The following RBFOX3 variants were observed in gnomAD, a reference collection of about 807,000 sequenced individuals.
RBFOX3 encodes RNA binding fox-1 homolog 3, also known as RNA binding protein fox-1 homolog 3.
Under a neutral mutation model 48.7 loss-of-function variants are expected in RBFOX3, and 17 were observed. That is an observed-to-expected ratio of 0.35 (90% CI 0.24 to 0.52). The LOEUF is 0.52. RBFOX3 is among the 20% of genes least tolerant of loss of function. The pLI is 0.94. For missense variants in RBFOX3, 382 were observed against 497.5 expected, an observed-to-expected ratio of 0.77 and a Z score of 2.21; for synonymous variants, 212 against 209.5, an observed-to-expected ratio of 1.01 and a Z score of -0.10.
intron 2 of RBFOX3, among the ~76,000 whole-genome samples, chr17:79,462,939 G>T (rs12944002): frequency 0.55 from 83,973 of 151,820 alleles, 23,495 homozygotes; most frequent in Admixed American, 0.6. Context: ...AAGCCTCTTT[G>T]AGCATCGTTC....
rs1234632197 is a variant in RBFOX3 at position 79,480,751 on chromosome 17, A to G, written c.-175+1703T>C. On this transcript the variant is annotated intron_variant, in intron 2 of 14. Transcript: ENST00000693108. The surrounding 1 kb of genome is among the most constrained non-coding windows in gnomAD (Gnocchi z 4.8). ...TCCTTCTGTCTTGGCTCACAACATC[A>G]GCACCGGGGCCTGCCCTTCTGTCCT... Among the ~76,000 whole-genome samples, 1 of 152,214 alleles carries G rather than the reference A, an allele frequency of 6.6e-6. No individual in the cohort carries two copies. Among genetic ancestry groups the G allele is most frequent in the East Asian group, 1.9e-4 (1 of 5,164 alleles).
chr17:79,097,460 C>T, intron 10 of RBFOX3, 36 bp from the exon 11 acceptor site: 1 of 1,508,394 alleles, frequency 6.6e-7, no homozygotes, highest in South Asian at 1.3e-5. Context: ...GTGTGAGAGG[C>T]ACAAGGGGAC....
the RBFOX3 span, among the ~76,000 whole-genome samples, chr17:79,626,714 T>A: frequency 1.3e-5 from 2 of 152,204 alleles, no homozygotes; most frequent in African/African-American, 4.8e-5. Context: ...CATCCCCCCA[T>A]CTCTACCGCA....
At chr17:79,652,558 G>A in the RBFOX3 span, among the ~76,000 whole-genome samples, 1 of 570 alleles carries the variant, frequency 1.8e-3, no homozygotes. Flanking sequence ...AGAAAGAGAG[G>A]AAGGAAAGGA....
chr17:79,647,466 G>A, the RBFOX3 span, among the ~76,000 whole-genome samples: 8 of 152,246 alleles, frequency 5.3e-5, no homozygotes, highest in East Asian at 1.9e-4. Flanking sequence ...TGCAACTGCC[G>A]GGGAGGATGC....
At chr17:79,633,485 G>A in the RBFOX3 span, among the ~76,000 whole-genome samples, 1 of 152,242 alleles carries the variant, frequency 6.6e-6, no homozygotes, top group Non-Finnish European at 1.5e-5. Context: ...GCAGGGCCCT[G>A]GTCTCATGGA....
In RBFOX3 at chr17:79,096,727, C is replaced by G. The variant is rs2075341008; in HGVS notation, c.862G>C (p.Ala288Pro). Residue 288 changes from alanine to proline, a missense_variant, in exon 12 of 15, where the codon GCG (alanine) becomes CCG (proline). Coordinates refer to ENST00000693108, the MANE Select transcript of RBFOX3 (RefSeq NM_001350451.2). ...AACGGACAAGAAAGTGGTGGGAACGCTGGAGAGGTGGGGTAGGCCGGCTCC... is the reference window on the plus strand; with the variant it reads ...AACGGACAAGAAAGTGGTGGGAACGGTGGAGAGGTGGGGTAGGCCGGCTCC... ...TPEPAYPTSP[A>P]FPPLSCPFAS... is the part of the protein sequence containing the mutation. The G allele has an allele frequency of 6.5e-7, 1 of 1,549,904 alleles. No individual in the cohort carries two copies. The highest frequency in any genetic ancestry group is 8.7e-7 in the Non-Finnish European group (1 of 1,145,556).
intron 2 of RBFOX3, among the ~76,000 whole-genome samples, chr17:79,416,245 G>A (rs1483657894): frequency 1.3e-5 from 2 of 152,190 alleles, no homozygotes; most frequent in Admixed American, 6.5e-5. Flanking sequence ...TGCAACCCTC[G>A]GTCAAGGAGT....
intron 4 of RBFOX3, among the ~76,000 whole-genome samples, chr17:79,168,844 C>T (rs1000991321): frequency 3.4e-5 from 5 of 145,226 alleles, no homozygotes; most frequent in Non-Finnish European, 5.9e-5. Flanking sequence ...GCCGGGTGCG[C>T]CCTCGCCTGG....
intron 2 of RBFOX3, among the ~76,000 whole-genome samples, chr17:79,320,540 C>T (rs1272887966): frequency 1.3e-5 from 2 of 152,252 alleles, no homozygotes; most frequent in Non-Finnish European, 2.9e-5. Context: ...CGTATACCTG[C>T]CCTCCCTTGG....
intron 2 of RBFOX3, among the ~76,000 whole-genome samples, chr17:79,478,098 C>T (rs1196325858): frequency 3.3e-5 from 5 of 152,236 alleles, no homozygotes; most frequent in African/African-American, 4.8e-5. Context: ...GGAAGCCCCA[C>T]GCACGTTCCC....
At chr17:79,664,688 C>T in the RBFOX3 span, among the ~76,000 whole-genome samples, 2 of 152,126 alleles carry the variant, frequency 1.3e-5, no homozygotes, top group Non-Finnish European at 2.9e-5. Flanking sequence ...GTGGCATTAC[C>T]TGGCCATTGT....
rs1302350996 is a variant in RBFOX3 at position 79,270,038 on chromosome 17, C to G, written c.-73-34233G>C. 3.3e-5 allele frequency among the ~76,000 whole-genome samples: 5 copies of G among 152,106 alleles called. No homozygotes were observed. In the East Asian group the frequency reaches 7.7e-4, roughly 24 times the overall value. On this transcript the variant is annotated intron_variant, in intron 3 of 14. Coordinates refer to ENST00000693108, the MANE Select transcript of RBFOX3 (RefSeq NM_001350451.2). ...CTGCCTTCTTGGCTTGACCTCTCCCCCTCTGCGAATCACTCCCTTCCTCCT... is the reference window on the plus strand; with the variant it reads ...CTGCCTTCTTGGCTTGACCTCTCCCGCTCTGCGAATCACTCCCTTCCTCCT...
chr17:79,156,284 G>A (rs1202044144), intron 4 of RBFOX3, among the ~76,000 whole-genome samples: 2 of 152,150 alleles, frequency 1.3e-5, no homozygotes, highest in Non-Finnish European at 2.9e-5. Context: ...TTCCATGGTG[G>A]CCACCCCAGT....
chr17:79,263,447 CT>C (rs1255484983), intron 3 of RBFOX3, among the ~76,000 whole-genome samples: 2 of 152,232 alleles, frequency 1.3e-5, no homozygotes, highest in African/African-American at 4.8e-5. Flanking sequence ...CCTTCTGCCC[CT>C]GGTCAGGTTT....
At chr17:79,513,267 A>G (rs997876192) in intron 1 of RBFOX3, among the ~76,000 whole-genome samples, 1 of 151,816 alleles carries the variant, frequency 6.6e-6, no homozygotes, top group Non-Finnish European at 1.5e-5. Flanking sequence ...CAGGGGACAC[A>G]CACCCGAATG....
At position 79,415,590 on chromosome 17, in the gene RBFOX3, G is replaced by A. The variant is rs192938051; in HGVS notation, c.-175+66864C>T. Reference sequence around the variant, plus strand: ...CCAAGCTTTCCAAAGCCACTCTGCCGGCTCCTGGGGCCACCAGGGCGGGCA... The same window carrying A: ...CCAAGCTTTCCAAAGCCACTCTGCCAGCTCCTGGGGCCACCAGGGCGGGCA... On this transcript the variant is annotated intron_variant, in intron 2 of 14. Transcript: ENST00000693108. 2.1e-4 allele frequency among the ~76,000 whole-genome samples: 32 copies of A among 152,228 alleles called. No homozygotes were observed. In the East Asian group the frequency reaches 5.2e-3, roughly 25 times the overall value.
At position 79,608,019 on chromosome 17, in the gene RBFOX3, G is replaced by A. The variant is rs386829734; in HGVS notation, c.-320+2807C>T. On this transcript the variant is annotated intron_variant, in intron 1 of 14. Transcript: ENST00000693108. ...TTTTCTGGCTCTTGAATGAGCCTCG[G>A]GAGCCCTCCCCATGTCCTCAGCAGC... 0.026 allele frequency among the ~76,000 whole-genome samples: 3,996 copies of A among 152,244 alleles called. 213 individuals are homozygous for A. In the East Asian group the frequency reaches 0.26, roughly 10 times the overall value.
intron 4 of RBFOX3, among the ~76,000 whole-genome samples, chr17:79,201,614 CTT>C (rs1402714071): frequency 6.6e-6 from 1 of 152,222 alleles, no homozygotes; most frequent in Non-Finnish European, 1.5e-5. Context: ...TCTTCTCTCT[CTT>C]TGTATTTTCT....
Sources: gnomAD v4.1 joint callset for allele counts (sites outside exome capture counted in the v4.1 genomes callset) on GRCh38, gnomAD v4.1.1 for gene constraint, Gnocchi (gnomAD v3.1) non-coding constraint, MANE v1.5 for transcripts, NCBI Gene and HGNC (gene_info 2026-07-23, HGNC 2026-07-21) for gene names.